SLC17A8: variants seen among roughly 807,000 people sequenced by gnomAD.
SLC17A8 encodes the protein solute carrier family 17 member 8.
Under a neutral mutation model 58.0 loss-of-function variants are expected in SLC17A8, and 31 were observed. That is an observed-to-expected ratio of 0.53 (90% CI 0.40 to 0.72). SLC17A8 has a LOEUF of 0.72. Among genes scored for constraint, SLC17A8 ranks in the 30% least tolerant of loss-of-function variants. The pLI is 0.00. For synonymous variants in SLC17A8, 228 were observed against 249.0 expected, an observed-to-expected ratio of 0.92 and a Z score of 0.79; for missense variants, 655 against 727.8, an observed-to-expected ratio of 0.90 and a Z score of 1.15.
intron 2 of SLC17A8, among the ~76,000 whole-genome samples, chr12:100,385,968 A>G (rs1202058221): frequency 1.3e-5 from 2 of 151,978 alleles, no homozygotes; most frequent in East Asian, 1.9e-4. Context: ...TGTCACTCTC[A>G]TGTCTGCCTC....
At chr12:100,409,305 C>A (rs1389777238) in intron 9 of SLC17A8, among the ~76,000 whole-genome samples, 1 of 152,104 alleles carries the variant, frequency 6.6e-6, no homozygotes, top group East Asian at 1.9e-4. Context: ...CCCGCCTCAG[C>A]CTCCTGAGTA....
intron 1 of SLC17A8, among the ~76,000 whole-genome samples, chr12:100,376,487 G>A (rs1307625380): frequency 6.6e-6 from 1 of 152,180 alleles, no homozygotes; most frequent in Non-Finnish European, 1.5e-5. Context: ...GTGGTCCAAG[G>A]AACCTAGACA....
rs142102133 is a variant in SLC17A8, at chr12:100,393,427, G to A, written c.532G>A (p.Ala178Thr). 2.6e-4 allele frequency: 422 copies of A among 1,613,896 alleles called. No homozygotes were observed. Among genetic ancestry groups the A allele is most frequent in the Non-Finnish European group, 3.5e-4 (413 of 1,179,834 alleles). ...STLNMFIPSA[A>T]RVHYGCVMCV... Reference sequence around the variant, plus strand: ...TCTGAACATGTTTATTCCCTCTGCAGCCAGAGTGCATTACGGATGCGTCAT... The same window carrying A: ...TCTGAACATGTTTATTCCCTCTGCAACCAGAGTGCATTACGGATGCGTCAT... Residue 178 changes from alanine to threonine, a missense_variant, in exon 4 of 12, where the codon GCC becomes ACC. By Grantham distance (58) the Ala-to-Thr change is moderately conservative. Coordinates refer to ENST00000323346, the MANE Select transcript of SLC17A8 (RefSeq NM_139319.3).
At chr12:100,369,783 C>A (rs1458071465) in intron 1 of SLC17A8, among the ~76,000 whole-genome samples, 1 of 152,232 alleles carries the variant, frequency 6.6e-6, no homozygotes, top group Non-Finnish European at 1.5e-5. Context: ...TTGTCTGCTA[C>A]ATATGTGTGC....
chr12:100,403,961 G>A, intron 8 of SLC17A8, 77 bp from the exon 9 acceptor site: 2 of 1,551,384 alleles, frequency 1.3e-6, no homozygotes, highest in Non-Finnish European at 1.8e-6. Context: ...GCTGTGGAGT[G>A]GAGGTGGGCA....
intron 2 of SLC17A8, among the ~76,000 whole-genome samples, chr12:100,386,947 C>T (rs1046004151): frequency 2.0e-5 from 3 of 152,164 alleles, no homozygotes; most frequent in Non-Finnish European, 4.4e-5. Flanking sequence ...CCTTGGGCTC[C>T]CAAAGTGCTG....
chr12:100,402,551 T>C, intron 7 of SLC17A8, 45 bp from the exon 8 acceptor site: 1 of 1,612,704 alleles, frequency 6.2e-7, no homozygotes, highest in Non-Finnish European at 8.5e-7. Context: ...ACAGAAAAAA[T>C]GTCAATATCT....
intron 1 of SLC17A8, among the ~76,000 whole-genome samples, chr12:100,368,205 C>A (rs912662108): frequency 6.6e-6 from 1 of 152,208 alleles, no homozygotes; most frequent in African/African-American, 2.4e-5. Flanking sequence ...CAGGGCCAAG[C>A]TCCTCCTGAA....
chr12:100,366,963 C>T (rs1202365902), intron 1 of SLC17A8, among the ~76,000 whole-genome samples: 1 of 152,146 alleles, frequency 6.6e-6, no homozygotes, highest in African/African-American at 2.4e-5. Flanking sequence ...TGGAGCAGCA[C>T]CTTCTACTGT....
chr12:100,357,345 G>A lies in SLC17A8; in HGVS notation c.-47G>A. The stretch of plus-strand genomic sequence containing the variant: ...ACACTGGAAATGAGGAAGGATGACA[G>A]TTTTTGAGACTGACTGTTAACGGCT... On this transcript the variant is annotated 5_prime_UTR_variant, in exon 1 of 12. Coordinates refer to ENST00000323346, the MANE Select transcript of SLC17A8 (RefSeq NM_139319.3). 9.2e-7 allele frequency: 1 copy of A among 1,087,716 alleles called. No individual in the cohort carries two copies. Among genetic ancestry groups the A allele is most frequent in the South Asian group, 1.2e-5 (1 of 80,424 alleles). The allele number at this position is 1,087,716 out of a possible 1,614,324, so 67.4% of individuals were successfully genotyped here. A position where few individuals can be genotyped will look rare whatever the true frequency, so the allele number is the denominator to read the frequency against.
At chr12:100,412,682 A>G in intron 9 of SLC17A8, 88 bp from the exon 10 acceptor site, 1 of 845,012 alleles carries the variant, frequency 1.2e-6, no homozygotes, top group Non-Finnish European at 2.1e-6. Context: ...CTGTGGAATT[A>G]TAGGTTAGTT....
chr12:100,390,555 AGCC>A (rs1952708215), intron 2 of SLC17A8, among the ~76,000 whole-genome samples: 1 of 151,494 alleles, frequency 6.6e-6, no homozygotes, highest in Non-Finnish European at 1.5e-5. Flanking sequence ...TCACCGTGTT[AGCC>A]AGGATGGTCT....
At chr12:100,357,882 T>G (rs1308200268) in intron 1 of SLC17A8, among the ~76,000 whole-genome samples, 1 of 152,226 alleles carries the variant, frequency 6.6e-6, no homozygotes, top group African/African-American at 2.4e-5. Flanking sequence ...CTGAATCCAC[T>G]ATAAATGAAA....
At chr12:100,401,514 C>T (rs552157429) in intron 5 of SLC17A8, among the ~76,000 whole-genome samples, 5 of 152,114 alleles carry the variant, frequency 3.3e-5, no homozygotes, top group South Asian at 2.1e-4. Flanking sequence ...TCCATTCTCT[C>T]ATGTAATTCC....
chr12:100,369,693 A>G (rs1952545970), intron 1 of SLC17A8, among the ~76,000 whole-genome samples: 1 of 152,008 alleles, frequency 6.6e-6, no homozygotes, highest in Non-Finnish European at 1.5e-5. Context: ...GTTGTTTTTT[A>G]TTTTGTTTTG....
chr12:100,365,483 T>C (rs1952513697), intron 1 of SLC17A8, among the ~76,000 whole-genome samples: 1 of 152,176 alleles, frequency 6.6e-6, no homozygotes, highest in Admixed American at 6.5e-5. Context: ...TTTCTTGTTT[T>C]TGGATTTCAT....
Position 100,412,592 on chromosome 12 carries a change from T to TA in SLC17A8, c.1187-159dup, listed in dbSNP as rs57500563. 0.049 allele frequency among the ~76,000 whole-genome samples: 3,560 copies of TA among 71,998 alleles called. 131 individuals carry two copies. Among genetic ancestry groups the TA allele is most frequent in the African/African-American group, 0.14 (2,924 of 20,716 alleles). 47.2% of individuals were successfully genotyped at this position (71,998 alleles called of 152,430 possible). On this transcript the variant is annotated intron_variant, in intron 9 of 11. Transcript: ENST00000323346. ...TAAATCCCAGAACTTCAAGTAAAGT[T>TA]AAAAAAAAAAAAAAAAAAACTTAAA...
At chr12:100,381,086 C>T in intron 2 of SLC17A8, 133 bp downstream of exon 2, 1 of 947,316 alleles carries the variant, frequency 1.1e-6, no homozygotes, top group Non-Finnish European at 1.7e-6. Flanking sequence ...AACCTCCCAT[C>T]TCAGCATCCT....
intron 2 of SLC17A8, among the ~76,000 whole-genome samples, chr12:100,385,188 G>C (rs7315744): frequency 0.047 from 7,080 of 151,014 alleles, 304 homozygotes; most frequent in African/African-American, 0.11. Flanking sequence ...GAGAGAGGGA[G>C]AGGCTGACTG....
Sources: allele counts gnomAD v4.1 joint callset (sites outside exome capture counted in the v4.1 genomes callset), GRCh38; gene constraint gnomAD v4.1.1; transcripts MANE v1.5; gene names NCBI Gene and HGNC (gene_info 2026-07-23, HGNC 2026-07-21).